Variants in WSCD2 observed in about 807,000 individuals in gnomAD.
WSCD2 encodes sialate:O-sulfotransferase 2.
A neutral mutation model predicts 55.7 loss-of-function variants in WSCD2; 28 were observed. That is an observed-to-expected ratio of 0.50 (90% CI 0.37 to 0.69). The LOEUF (loss-of-function observed/expected upper bound fraction) is 0.69. WSCD2 is among the 30% of genes least tolerant of loss of function. The pLI, the probability that WSCD2 is intolerant of heterozygous loss-of-function variation, is 0.00. For synonymous variants in WSCD2, 301 were observed against 301.9 expected (o/e 1.00, Z 0.03); for missense variants, 616 against 762.1 (o/e 0.81, Z 2.26).
chr12:108,146,435 A>G (rs1877400756), intron 1 of WSCD2, among the ~76,000 whole-genome samples: 1 of 152,272 alleles, frequency 6.6e-6, no homozygotes, highest in Non-Finnish European at 1.5e-5. Flanking sequence ...TGCCTGGAGG[A>G]TACAGTTAGC....
chr12:108,185,818 A>G (rs186856552), intron 1 of WSCD2, among the ~76,000 whole-genome samples: 3 of 152,256 alleles, frequency 2.0e-5, no homozygotes, highest in Admixed American at 2.0e-4. Flanking sequence ...CAGCCTATTA[A>G]GGAACTCTAT....
chr12:108,192,615 C>G (rs193056706), intron 1 of WSCD2, among the ~76,000 whole-genome samples: 3 of 152,340 alleles, frequency 2.0e-5, no homozygotes, highest in Admixed American at 2.0e-4. Context: ...TGGTCTGGCT[C>G]CTGCCCACTG....
chr12:108,164,908 G>A (rs555329676), intron 1 of WSCD2, among the ~76,000 whole-genome samples: 2 of 152,286 alleles, frequency 1.3e-5, no homozygotes, highest in African/African-American at 4.8e-5. Context: ...GACAAAGGGG[G>A]TACCCAGTCT....
intron 4 of WSCD2, among the ~76,000 whole-genome samples, chr12:108,223,581 A>G (rs766131225): frequency 2.0e-5 from 3 of 152,194 alleles, no homozygotes; most frequent in African/African-American, 7.2e-5. Context: ...AAATGCTGCA[A>G]TGAACATCCC....
intron 1 of WSCD2, among the ~76,000 whole-genome samples, chr12:108,145,755 A>T (rs188064818): frequency 1.5e-3 from 235 of 152,344 alleles, no homozygotes; most frequent in African/African-American, 5.4e-3. Flanking sequence ...AAGTAAAATA[A>T]GGTTTAGACA....
intron 7 of WSCD2, among the ~76,000 whole-genome samples, chr12:108,233,650 A>ATT (rs60481040): frequency 1.3e-5 from 2 of 151,178 alleles, no homozygotes; most frequent in Non-Finnish European, 3.0e-5. Flanking sequence ...AAGTCACACA[A>ATT]TTTTTTTTTT....
At chr12:108,168,364 C>T (rs1289258067) in intron 1 of WSCD2, among the ~76,000 whole-genome samples, 2 of 152,164 alleles carry the variant, frequency 1.3e-5, no homozygotes, top group Non-Finnish European at 2.9e-5. Flanking sequence ...CCTGGATCAC[C>T]ATCTCCATGT....
At chr12:108,212,899 A>T (rs1886394694) in intron 4 of WSCD2, among the ~76,000 whole-genome samples, 1 of 152,218 alleles carries the variant, frequency 6.6e-6, no homozygotes, top group Admixed American at 6.5e-5. Flanking sequence ...GTTCCGAATC[A>T]TCGCCATGTA....
intron 2 of WSCD2, among the ~76,000 whole-genome samples, chr12:108,200,927 G>C (rs376620036): frequency 2.0e-4 from 30 of 152,066 alleles, no homozygotes; most frequent in African/African-American, 6.8e-4. Flanking sequence ...AGCACTGGGT[G>C]GTCTTCTGGA....
chr12:108,218,857 G>T (rs1887148102), intron 4 of WSCD2, among the ~76,000 whole-genome samples: 1 of 152,232 alleles, frequency 6.6e-6, no homozygotes, highest in African/African-American at 2.4e-5. Flanking sequence ...AGGGTCCCCA[G>T]TGCTCTTGGC....
chr12:108,195,425 TGAG>T lies in WSCD2; in HGVS notation c.-404_-402del, dbSNP rs557059954. 313 of 167,844 alleles carry T rather than the reference TGAG, an allele frequency of 1.9e-3. No individual in the cohort carries two copies. The highest frequency in any genetic ancestry group is 7.2e-3 in the African/African-American group (301 of 41,842). The allele number at this position is 167,844 out of a possible 1,614,324, so 10.4% of individuals were successfully genotyped here. The stretch of plus-strand genomic sequence containing the variant: ...GTGAAATAACCCAGATCCATTGGCC[TGAG>T]GAGCAGAGAAAGGGCAAGAAGTGAA... On this transcript the variant is annotated 5_prime_UTR_variant, in exon 2 of 9. Coordinates refer to ENST00000547525, the MANE Select transcript of WSCD2 (RefSeq NM_014653.4).
chr12:108,180,203 C>T (rs984998357), intron 1 of WSCD2, among the ~76,000 whole-genome samples: 1 of 152,132 alleles, frequency 6.6e-6, no homozygotes, highest in Non-Finnish European at 1.5e-5. Flanking sequence ...TTGTCATTTT[C>T]CTGATGGCAG....
intron 1 of WSCD2, among the ~76,000 whole-genome samples, chr12:108,139,369 C>A (rs1876547225): frequency 6.6e-6 from 1 of 152,178 alleles, no homozygotes; most frequent in African/African-American, 2.4e-5. Context: ...ACTCCCTCAC[C>A]AGCCCTTGTG....
At chr12:108,195,152 T>A (rs983204922) in intron 1 of WSCD2, 130 bp from the exon 2 acceptor site, 8 of 152,316 alleles carry the variant, frequency 5.3e-5, no homozygotes, top group African/African-American at 1.9e-4. Flanking sequence ...GCTCTTAAAC[T>A]GTTTCATGCC....
At chr12:108,136,693 G>T (rs1400109933) in intron 1 of WSCD2, among the ~76,000 whole-genome samples, 1 of 151,746 alleles carries the variant, frequency 6.6e-6, no homozygotes, top group African/African-American at 2.4e-5. Flanking sequence ...CCAGCGCATG[G>T]CAGAGCCCAC....
intron 1 of WSCD2, among the ~76,000 whole-genome samples, chr12:108,153,676 G>C (rs1934055902): frequency 6.6e-6 from 1 of 152,196 alleles, no homozygotes; most frequent in African/African-American, 2.4e-5. Context: ...CATGTTCTTT[G>C]GTAGAGGGGC....
intron 1 of WSCD2, chr12:108,189,687 A>C (rs1246885507): frequency 6.6e-6 from 1 of 152,238 alleles, no homozygotes; most frequent in Non-Finnish European, 1.5e-5. Flanking sequence ...TTGGAAAAAA[A>C]CTGGCATCTT....
intron 6 of WSCD2, 74 bp from the exon 7 acceptor site, chr12:108,232,657 T>G: frequency 6.9e-7 from 1 of 1,447,788 alleles, no homozygotes; most frequent in Non-Finnish European, 9.3e-7. Flanking sequence ...GGGGTGTGAC[T>G]CATACCCTGG....
At chr12:108,150,345 G>A (rs187596953) in intron 1 of WSCD2, among the ~76,000 whole-genome samples, 2 of 152,308 alleles carry the variant, frequency 1.3e-5, no homozygotes, top group East Asian at 1.9e-4. Flanking sequence ...TTTAAAGGAA[G>A]TATTGTGAGC....
Sources: gnomAD v4.1 joint callset for allele counts (sites outside exome capture counted in the v4.1 genomes callset) on GRCh38, gnomAD v4.1.1 for gene constraint, MANE v1.5 for transcripts, NCBI Gene and HGNC (gene_info 2026-07-23, HGNC 2026-07-21) for gene names.